Variants in RASAL2 observed in about 807,000 individuals in gnomAD.
RASAL2 encodes the protein RAS protein activator like 2, also known as ras GTPase-activating protein nGAP.
In RASAL2, 58 loss-of-function variants were observed where a neutral mutation model predicts 128.9. That is an observed-to-expected ratio of 0.45 (90% CI 0.36 to 0.56). The LOEUF is 0.56. Among genes scored for constraint, RASAL2 ranks in the 20% least tolerant of loss-of-function variants. RASAL2 has a pLI of 0.00. For missense variants in RASAL2, 1,360 were observed against 1,601.6 expected (o/e 0.85, Z 2.57); for synonymous variants, 561 against 580.8 (o/e 0.97, Z 0.49).
intron 3 of RASAL2, among the ~76,000 whole-genome samples, chr1:178,358,237 T>TAA (rs71567191): frequency 0.021 from 718 of 34,698 alleles, 38 homozygotes; most frequent in East Asian, 0.038. Flanking sequence ...CTCTGTCTCC[T>TAA]AAAAAAAAAA....
intron 3 of RASAL2, among the ~76,000 whole-genome samples, chr1:178,371,636 G>A (rs1028308665): frequency 6.6e-6 from 1 of 152,130 alleles, no homozygotes; most frequent in Non-Finnish European, 1.5e-5. Flanking sequence ...TTTTCTTGCA[G>A]GAAATCTTCG....
chr1:178,422,290 A>G (rs1400308868), intron 5 of RASAL2, among the ~76,000 whole-genome samples: 1 of 152,064 alleles, frequency 6.6e-6, no homozygotes, highest in Non-Finnish European at 1.5e-5. Context: ...TTGTATTTCT[A>G]TTATATAGTT....
intron 1 of RASAL2, among the ~76,000 whole-genome samples, chr1:178,178,417 C>T (rs558735682): frequency 2.0e-5 from 3 of 151,918 alleles, no homozygotes; most frequent in African/African-American, 4.8e-5. Flanking sequence ...TAGACAGATT[C>T]GTAACTATTT....
Position 178,209,291 on chromosome 1 carries a change from T to C in RASAL2, c.203-74273T>C, listed in dbSNP as rs76975721. Among the ~76,000 whole-genome samples, 114 of 152,324 alleles carry C rather than the reference T, an allele frequency of 7.5e-4. No homozygotes were observed. In the East Asian group the frequency reaches 0.013, roughly 17 times the overall value. On this transcript the variant is annotated intron_variant, in intron 1 of 17. Coordinates refer to ENST00000367649, the MANE Select transcript of RASAL2 (RefSeq NM_170692.4). ...CCCATAAATGCTTTTATGGATTGGA[T>C]ACTATTGTCCTGGATATCATTTCTT...
chr1:178,184,303 A>G (rs1662216464), intron 1 of RASAL2, among the ~76,000 whole-genome samples: 1 of 151,962 alleles, frequency 6.6e-6, no homozygotes, highest in African/African-American at 2.4e-5. Context: ...ATTTTAATTA[A>G]ATCCTGCAAA....
intron 1 of RASAL2, among the ~76,000 whole-genome samples, chr1:178,188,746 T>G (rs1425600211): frequency 6.6e-6 from 1 of 152,218 alleles, no homozygotes; most frequent in African/African-American, 2.4e-5. Flanking sequence ...ATTTATTGAA[T>G]GAGTGTTACT....
In RASAL2 at chr1:178,458,075, A is replaced by T. The variant is rs1169577353; in HGVS notation, c.2783A>T (p.His928Leu). The stretch of plus-strand genomic sequence containing the variant: ...TTGTCGTTCCAGAACCCTGTCTATC[A>T]CCTCAATAACCCAATTCCAGCAATG... ...QPLSFQNPVY[H>L]LNNPIPAMPK... The change falls in exon 14 of 18, where the codon CAC becomes CTC. Residue 928 changes from histidine (H) to leucine (L), a missense_variant. Around this residue, in one of 3 missense-constraint regions of RASAL2, gnomAD observed 741 missense variants for 868.6 expected, o/e 0.85. Transcript: ENST00000367649. The T allele has an allele frequency of 6.2e-7, 1 of 1,614,096 alleles. No individual in the cohort carries two copies. The highest frequency in any genetic ancestry group is 8.5e-7 in the Non-Finnish European group (1 of 1,180,028).
At chr1:178,145,975 T>C (rs970439054) in intron 1 of RASAL2, among the ~76,000 whole-genome samples, 4 of 152,200 alleles carry the variant, frequency 2.6e-5, no homozygotes, top group Non-Finnish European at 5.9e-5. Context: ...CCAAATCAAA[T>C]TGGGGATCCA....
chr1:178,376,431 A>G (rs1249612748), intron 3 of RASAL2, among the ~76,000 whole-genome samples: 1 of 152,146 alleles, frequency 6.6e-6, no homozygotes, highest in African/African-American at 2.4e-5. Flanking sequence ...TTTTAAGTGG[A>G]GGAGAGAGCA....
intron 1 of RASAL2, among the ~76,000 whole-genome samples, chr1:178,136,146 AG>A (rs1260125457): frequency 6.6e-6 from 1 of 152,228 alleles, no homozygotes; most frequent in Non-Finnish European, 1.5e-5. Flanking sequence ...TTAATTATCC[AG>A]ATTTTCAGTT....
chr1:178,392,452 G>A (rs1642390488), intron 4 of RASAL2, among the ~76,000 whole-genome samples: 3 of 152,154 alleles, frequency 2.0e-5, no homozygotes, highest in Non-Finnish European at 4.4e-5. Flanking sequence ...TGAGAAGGCC[G>A]GAAAGGTAGG....
At chr1:178,341,855 A>AC (rs1289515016) in intron 3 of RASAL2, among the ~76,000 whole-genome samples, 1 of 152,146 alleles carries the variant, frequency 6.6e-6, no homozygotes, top group East Asian at 1.9e-4. Flanking sequence ...AAGAATAATG[A>AC]CCATAGCAAA....
chr1:178,465,831 A>G, intron 15 of RASAL2, 89 bp from the exon 16 acceptor site: 2 of 1,056,048 alleles, frequency 1.9e-6, no homozygotes, highest in Non-Finnish European at 2.6e-6. Flanking sequence ...AAAGAAAAAA[A>G]GAAAGAAAGA....
At chr1:178,406,399 G>T (rs1674002760) in intron 4 of RASAL2, among the ~76,000 whole-genome samples, 1 of 152,212 alleles carries the variant, frequency 6.6e-6, no homozygotes, top group Admixed American at 6.5e-5. Context: ...CATATTAGTG[G>T]TTTCCAGGGG....
At chr1:178,208,950 A>G (rs1663159290) in intron 1 of RASAL2, among the ~76,000 whole-genome samples, 1 of 152,116 alleles carries the variant, frequency 6.6e-6, no homozygotes, top group South Asian at 2.1e-4. Context: ...TATTGGGGGC[A>G]GGTTCCTCTG....
chr1:178,326,930 G>A (rs1356722922), intron 3 of RASAL2, among the ~76,000 whole-genome samples: 1 of 152,108 alleles, frequency 6.6e-6, no homozygotes, highest in Non-Finnish European at 1.5e-5. Context: ...CGTTTTAAGT[G>A]ATGATTCGTT....
Position 178,442,787 on chromosome 1 carries a change from C to T in RASAL2, c.1040C>T (p.Ala347Val), listed in dbSNP as rs767126384. The T allele has an allele frequency of 1.9e-6, 3 of 1,613,898 alleles. No homozygotes were observed. In the East Asian group the frequency reaches 6.7e-5, roughly 36 times the overall value. Reference protein sequence around the residue: ...CELCLDDTLFARTTSKTKADN... With the variant: ...CELCLDDTLFVRTTSKTKADN... ...CTGTGCCTTGATGATACCCTCTTTG[C>T]TCGTACAACCAGCAAGACCAAAGCA... Residue 347 changes from alanine to valine, a missense_variant, in exon 8 of 18, where the codon GCT becomes GTT. Physicochemically the swap from Ala to Val is moderately conservative, Grantham distance 64. Coordinates refer to ENST00000367649, the MANE Select transcript of RASAL2 (RefSeq NM_170692.4).
intron 4 of RASAL2, among the ~76,000 whole-genome samples, chr1:178,399,815 A>G (rs1331821933): frequency 6.6e-6 from 1 of 152,174 alleles, no homozygotes; most frequent in African/African-American, 2.4e-5. Flanking sequence ...TGTCTAGTGC[A>G]GTAGAGATTC....
intron 1 of RASAL2, among the ~76,000 whole-genome samples, chr1:178,252,021 CA>C (rs141941204): frequency 0.02 from 3,089 of 152,016 alleles, 47 homozygotes; most frequent in Non-Finnish European, 0.032. Flanking sequence ...GGTTGGGGTC[CA>C]AAAACATTGA....
Sources: gnomAD v4.1 joint callset for allele counts (sites outside exome capture counted in the v4.1 genomes callset) on GRCh38, gnomAD v4.1.1 for gene constraint, gnomAD v4.1.1 regional missense constraint, MANE v1.5 for transcripts, NCBI Gene and HGNC (gene_info 2026-07-23, HGNC 2026-07-21) for gene names.